The following TNNI3K variants were observed in gnomAD, a reference collection of about 807,000 sequenced individuals.
The protein encoded by TNNI3K is TNNI3 interacting kinase.
A neutral mutation model predicts 114.5 loss-of-function variants in TNNI3K; 140 were observed. The ratio of observed to expected loss-of-function variants is 1.22; its 90% CI spans 1.07 to 1.41. The LOEUF (loss-of-function observed/expected upper bound fraction) is 1.41. Among genes scored for constraint, TNNI3K ranks in the 40% most tolerant of loss-of-function variants. TNNI3K has a pLI of 0.00. For synonymous variants in TNNI3K, 347 were observed against 347.5 expected (o/e 1.00, Z 0.02); for missense variants, 1,125 against 1,007.6 (o/e 1.12, Z -1.58).
chr1:74,249,359 T>A, intron 2 of TNNI3K, 100 bp from the exon 3 acceptor site: 3 of 1,201,162 alleles, frequency 2.5e-6, no homozygotes, highest in Non-Finnish European at 3.5e-6. Context: ...AAAATACATT[T>A]CTGAATTGAT....
At chr1:74,327,572 AAT>A (rs901156522) in intron 5 of TNNI3K, among the ~76,000 whole-genome samples, 2 of 146,020 alleles carry the variant, frequency 1.4e-5, no homozygotes, top group African/African-American at 5.0e-5. Flanking sequence ...GTAGTTTTTT[AAT>A]ATATATATAT....
At chr1:74,416,550 T>A in intron 17 of TNNI3K, 1 of 985,374 alleles carries the variant, frequency 1.0e-6, no homozygotes. Flanking sequence ...AACCAAATTA[T>A]AACTTTGCAT....
intron 4 of TNNI3K, among the ~76,000 whole-genome samples, chr1:74,258,228 A>G (rs1655449822): frequency 6.6e-6 from 1 of 152,148 alleles, no homozygotes; most frequent in African/African-American, 2.4e-5. Flanking sequence ...GCCCAGCTCA[A>G]CAATACATAA....
At chr1:74,440,142 G>A (rs1010539189) in intron 20 of TNNI3K, among the ~76,000 whole-genome samples, 2 of 152,056 alleles carry the variant, frequency 1.3e-5, no homozygotes, top group Non-Finnish European at 2.9e-5. Context: ...CATGCAGTGA[G>A]TCTGGCTTTC....
intron 4 of TNNI3K, among the ~76,000 whole-genome samples, chr1:74,256,245 G>GT (rs1423418466): frequency 8.5e-6 from 1 of 117,006 alleles, no homozygotes; most frequent in African/African-American, 3.1e-5. Flanking sequence ...GAGAGCTGTA[G>GT]TTTTTTCACA....
intron 17 of TNNI3K, among the ~76,000 whole-genome samples, chr1:74,404,071 AAGTC>A (rs1438100396): frequency 6.6e-6 from 1 of 152,130 alleles, no homozygotes; most frequent in African/African-American, 2.4e-5. Context: ...CATACATAAA[AAGTC>A]AGGAGATTTG....
chr1:74,386,579 G>T (rs1466711322), intron 17 of TNNI3K, among the ~76,000 whole-genome samples: 1 of 152,132 alleles, frequency 6.6e-6, no homozygotes, highest in East Asian at 1.9e-4. Context: ...TATAATTCAT[G>T]TGTAATAAAT....
At chr1:74,483,397 A>G (rs1162533948) in intron 21 of TNNI3K, 1 of 715,590 alleles carries the variant, frequency 1.4e-6, no homozygotes, top group Non-Finnish European at 2.6e-6. Flanking sequence ...GTAGAGGGCA[A>G]TGTATATCAT....
At chr1:74,496,191 G>A (rs1021513490) in intron 23 of TNNI3K, among the ~76,000 whole-genome samples, 1 of 152,102 alleles carries the variant, frequency 6.6e-6, no homozygotes, top group African/African-American at 2.4e-5. Flanking sequence ...AGAATGATAC[G>A]ATGCTAACCT....
Position 74,421,010 on chromosome 1 carries a change from A to C in TNNI3K, c.1773-15070A>C, listed in dbSNP as rs45443093. 9.2e-3 allele frequency among the ~76,000 whole-genome samples: 1,395 copies of C among 152,224 alleles called. 8 individuals are homozygous for C. Among genetic ancestry groups the C allele is most frequent in the Non-Finnish European group, 0.015 (1,032 of 67,990 alleles). On this transcript the variant is annotated intron_variant, in intron 17 of 24. Transcript: ENST00000326637. ...CAGCAGCATGATATAAATAACTCCCACATGCTTAGCGTTCCAATAATGGAA... is the reference window on the plus strand; with the variant it reads ...CAGCAGCATGATATAAATAACTCCCCCATGCTTAGCGTTCCAATAATGGAA...
intron 6 of TNNI3K, among the ~76,000 whole-genome samples, chr1:74,332,166 A>G (rs1294853595): frequency 6.6e-6 from 1 of 152,130 alleles, no homozygotes. Flanking sequence ...CATGATTTTT[A>G]TTTAACCTTC....
intron 2 of TNNI3K, chr1:74,240,043 T>C (rs762570277): frequency 1.7e-4 from 77 of 456,970 alleles, no homozygotes; most frequent in South Asian, 4.8e-4. Context: ...AGTACCATTG[T>C]CTGATTATAT....
At chr1:74,437,646 G>T (rs1297133108) in intron 19 of TNNI3K, among the ~76,000 whole-genome samples, 1 of 151,872 alleles carries the variant, frequency 6.6e-6, no homozygotes. Context: ...AGTGAGGTGA[G>T]CAAGGAGGAA....
At chr1:74,354,764 A>G (rs903420973) in intron 11 of TNNI3K, among the ~76,000 whole-genome samples, 7 of 152,208 alleles carry the variant, frequency 4.6e-5, no homozygotes, top group African/African-American at 9.6e-5. Flanking sequence ...TATAAATTCT[A>G]CTTTATAAGA....
chr1:74,543,062 CCCTTTT>C (rs1238412442), intron 24 of TNNI3K, among the ~76,000 whole-genome samples: 11,435 of 104,248 alleles, frequency 0.11, 3,577 homozygotes, highest in African/African-American at 0.37. Context: ...TTTTCTTTTT[CCCTTTT>C]TTTTTTTTTT....
intron 4 of TNNI3K, among the ~76,000 whole-genome samples, chr1:74,264,905 T>C (rs1406209067): frequency 6.6e-6 from 1 of 152,056 alleles, no homozygotes; most frequent in Non-Finnish European, 1.5e-5. Flanking sequence ...CATACATTAT[T>C]TCATTTGATC....
chr1:74,355,027 TC>T (rs1240030827), intron 11 of TNNI3K, among the ~76,000 whole-genome samples: 3 of 152,188 alleles, frequency 2.0e-5, no homozygotes, highest in Admixed American at 1.3e-4. Context: ...ACACATACAC[TC>T]CTAAGGAGTT....
chr1:74,395,043 CAAA>C (rs755880566), intron 17 of TNNI3K, among the ~76,000 whole-genome samples: 1 of 126,262 alleles, frequency 7.9e-6, no homozygotes. Flanking sequence ...GACTCCATCT[CAAA>C]AAAAAAAAAA....
At chr1:74,250,936 C>T (rs1224114712) in intron 4 of TNNI3K, among the ~76,000 whole-genome samples, 167 bp downstream of exon 4, 1 of 151,152 alleles carries the variant, frequency 6.6e-6, no homozygotes, top group Non-Finnish European at 1.5e-5. Flanking sequence ...ATACCTGCTG[C>T]ATACTAGACA....
Sources: allele counts gnomAD v4.1 joint callset (sites outside exome capture counted in the v4.1 genomes callset), GRCh38; gene constraint gnomAD v4.1.1; transcripts MANE v1.5; gene names NCBI Gene and HGNC (gene_info 2026-07-23, HGNC 2026-07-21).